NBAS: variants seen among roughly 807,000 people sequenced by gnomAD.
The protein encoded by NBAS is NAG/BC035112 fusion.
In NBAS, 219 loss-of-function variants were observed where a neutral mutation model predicts 302.5. The ratio of observed to expected loss-of-function variants is 0.72; its 90% CI spans 0.65 to 0.81. The LOEUF (loss-of-function observed/expected upper bound fraction) is 0.81, where lower values mean the gene tolerates loss of function less well. Among genes scored for constraint, NBAS ranks in the 30% least tolerant of loss-of-function variants. NBAS has a pLI of 0.00. For missense variants in NBAS, 2,932 were observed against 2,841.6 expected (o/e 1.03, Z -0.72); for synonymous variants, 1,118 against 1,021.6 (o/e 1.09, Z -1.80).
intron 40 of NBAS, among the ~76,000 whole-genome samples, chr2:15,298,401 A>C (rs1324943951): frequency 6.6e-6 from 1 of 152,188 alleles, no homozygotes; most frequent in African/African-American, 2.4e-5. Flanking sequence ...TACAGGGGAA[A>C]AACACAGGAG....
At chr2:14,925,617 A>G in the NBAS span, among the ~76,000 whole-genome samples, 1 of 152,164 alleles carries the variant, frequency 6.6e-6, no homozygotes, top group Non-Finnish European at 1.5e-5. Context: ...TTTCCCTTTC[A>G]TGGCAAAATT....
chr2:15,084,835 CCTCGAAGACTCTAACCA>C, the NBAS span, among the ~76,000 whole-genome samples: 18 of 152,324 alleles, frequency 1.2e-4, no homozygotes, highest in East Asian at 3.5e-3. Flanking sequence ...AACAAATTAT[CCTCGAAGACTCTAACCA>C]CTTGAAAGGT....
chr2:14,986,619 T>C, the NBAS span, among the ~76,000 whole-genome samples: 2 of 152,126 alleles, frequency 1.3e-5, no homozygotes, highest in South Asian at 2.1e-4. Context: ...CTTAAAGAAA[T>C]TGATAATAAC....
chr2:15,105,826 C>T, the NBAS span, among the ~76,000 whole-genome samples: 1 of 152,116 alleles, frequency 6.6e-6, no homozygotes, highest in African/African-American at 2.4e-5. Flanking sequence ...CGTATTTCTC[C>T]CCTGGTCCTT....
chr2:14,880,091 A>G, the NBAS span, among the ~76,000 whole-genome samples: 52 of 152,290 alleles, frequency 3.4e-4, no homozygotes, highest in African/African-American at 1.2e-3. Flanking sequence ...GAAGTATATT[A>G]CAGAATTAGA....
the NBAS span, among the ~76,000 whole-genome samples, chr2:14,800,885 T>G: frequency 1.4e-5 from 2 of 142,542 alleles, no homozygotes; most frequent in African/African-American, 2.6e-5. Flanking sequence ...TGGTATCATT[T>G]CCTTTGTGTG....
chr2:14,918,131 C>T, the NBAS span, among the ~76,000 whole-genome samples: 1 of 152,100 alleles, frequency 6.6e-6, no homozygotes, highest in Non-Finnish European at 1.5e-5. Context: ...AGATTTTCAA[C>T]CCTGTTATCT....
the NBAS span, among the ~76,000 whole-genome samples, chr2:14,950,257 C>T: frequency 0.067 from 10,243 of 152,240 alleles, 1,139 homozygotes; most frequent in African/African-American, 0.23. Context: ...AGTGAGAACA[C>T]ACAATGTTTG....
chr2:14,789,988 G>T, the NBAS span, among the ~76,000 whole-genome samples: 2 of 152,226 alleles, frequency 1.3e-5, no homozygotes, highest in African/African-American at 2.4e-5. Flanking sequence ...GGAATGGCAA[G>T]AATTACATTT....
the NBAS span, among the ~76,000 whole-genome samples, chr2:14,887,398 T>TTAAAAAAAAAAAAAA: frequency 3.1e-5 from 3 of 95,682 alleles, no homozygotes; most frequent in African/African-American, 1.4e-4. Flanking sequence ...GTGAGACTCC[T>TTAAAAAAAAAAAAAA]CAAAAAAAAA....
At chr2:15,294,743 G>A (rs925864390) in intron 40 of NBAS, among the ~76,000 whole-genome samples, 2 of 152,178 alleles carry the variant, frequency 1.3e-5, no homozygotes, top group Admixed American at 6.5e-5. Context: ...AATGATCATG[G>A]TTTTAGGGTG....
At chr2:15,266,719 G>T (rs962785238) in intron 44 of NBAS, among the ~76,000 whole-genome samples, 3 of 151,874 alleles carry the variant, frequency 2.0e-5, no homozygotes, top group African/African-American at 7.3e-5. Context: ...AATATTGTAG[G>T]GTCCTAGGGC....
chr2:14,810,340 T>C, the NBAS span, among the ~76,000 whole-genome samples: 1 of 152,176 alleles, frequency 6.6e-6, no homozygotes, highest in South Asian at 2.1e-4. Flanking sequence ...AATCGAATCA[T>C]GGGGGCAGGT....
At position 15,356,350 on chromosome 2, in the gene NBAS, T is replaced by C. The variant is rs147696370; in HGVS notation, c.3884A>G (p.His1295Arg). 5 of 1,613,812 alleles carry C rather than the reference T, an allele frequency of 3.1e-6. No homozygotes were observed. Among genetic ancestry groups the C allele is most frequent in the African/African-American group, 1.3e-5 (1 of 74,924 alleles). Residue 1295 changes from histidine to arginine, a missense_variant, in exon 33 of 52, where the codon CAT becomes CGT. Coordinates refer to ENST00000281513, the MANE Select transcript of NBAS (RefSeq NM_015909.4). The part of the protein sequence containing the change: ...ILLVEQALRF[H>R]DYKAASMHCQ... ...ATGCATACTGGCTGCTTTGTAGTCATGGAAGCGAAGTGCCTGCTCCACTAA... is the reference window on the plus strand; with the variant it reads ...ATGCATACTGGCTGCTTTGTAGTCACGGAAGCGAAGTGCCTGCTCCACTAA...
At chr2:15,330,872 C>A in intron 35 of NBAS, 107 bp from the exon 36 acceptor site, 1 of 1,232,060 alleles carries the variant, frequency 8.1e-7, no homozygotes, top group Non-Finnish European at 1.1e-6. Context: ...AACTTGAAGA[C>A]AGACACATTT....
chr2:15,058,122 T>C, the NBAS span, among the ~76,000 whole-genome samples: 1 of 152,340 alleles, frequency 6.6e-6, no homozygotes, highest in Admixed American at 6.5e-5. Flanking sequence ...GAAGTTATTA[T>C]TCGAAAAAGA....
intron 32 of NBAS, among the ~76,000 whole-genome samples, chr2:15,362,981 G>C (rs1002690939): frequency 1.3e-5 from 2 of 152,020 alleles, no homozygotes; most frequent in African/African-American, 4.8e-5. Context: ...CCAACACTTT[G>C]GGAGGCTGCG....
Position 15,394,365 on chromosome 2 carries a change from G to T in NBAS, c.3135-16C>A. ...CTCTGACACACTATAAGTGAAAAAAGAATTATTTAATGTCTTGCTACCAAA... is the reference window on the plus strand; with the variant it reads ...CTCTGACACACTATAAGTGAAAAAATAATTATTTAATGTCTTGCTACCAAA... On this transcript the variant is annotated splice_polypyrimidine_tract_variant and intron_variant, in intron 27 of 51. Coordinates refer to ENST00000281513, the MANE Select transcript of NBAS (RefSeq NM_015909.4). 2 of 1,611,318 alleles carry T rather than the reference G, an allele frequency of 1.2e-6. No individual in the cohort carries two copies. Among genetic ancestry groups the T allele is most frequent in the East Asian group, 2.2e-5 (1 of 44,756 alleles).
intron 51 of NBAS, 104 bp from the exon 52 acceptor site, chr2:15,167,427 C>G: frequency 1.4e-6 from 2 of 1,445,822 alleles, no homozygotes; most frequent in Non-Finnish European, 9.5e-7. Context: ...TCATTCATGC[C>G]CTGGCCTGGG....
Sources: gnomAD v4.1 joint callset for allele counts (sites outside exome capture counted in the v4.1 genomes callset) on GRCh38, gnomAD v4.1.1 for gene constraint, MANE v1.5 for transcripts, NCBI Gene and HGNC (gene_info 2026-07-23, HGNC 2026-07-21) for gene names.